TADA2A: variants seen among roughly 807,000 people sequenced by gnomAD.
TADA2A encodes the protein transcriptional adapter 2-alpha.
In TADA2A, 38 loss-of-function variants were observed where a neutral mutation model predicts 67.4. The observed-to-expected ratio is 0.56, with a 90% confidence interval of 0.44 to 0.74. TADA2A has a LOEUF of 0.74. TADA2A is among the 30% of genes least tolerant of loss of function. TADA2A has a pLI of 0.00. For missense variants in TADA2A, 454 were observed against 547.0 expected (o/e 0.83, Z 1.70); for synonymous variants, 192 against 181.6 (o/e 1.06, Z -0.46).
intron 12 of TADA2A, among the ~76,000 whole-genome samples, chr17:37,468,533 CT>C (rs1208253095): frequency 5.4e-4 from 78 of 144,594 alleles, no homozygotes; most frequent in Middle Eastern, 3.6e-3. Flanking sequence ...TTTTTCTTTC[CT>C]TTTTTTTTTT....
chr17:37,467,539 A>G lies in TADA2A; in HGVS notation c.895+14A>G, dbSNP rs1468058905. 2 of 1,604,392 alleles carry G rather than the reference A, an allele frequency of 1.2e-6. No individual in the cohort carries two copies. Among genetic ancestry groups the G allele is most frequent in the South Asian group, 2.2e-5 (2 of 90,480 alleles). On this transcript the variant is annotated intron_variant, in intron 12 of 15. Coordinates refer to ENST00000615182, the MANE Select transcript of TADA2A (RefSeq NM_001166105.3). Reference sequence around the variant, plus strand: ...CCAATTTTTGTAGTAAGTATGCTTCAGCTACATACCGTACTTGAGGGCAAG... The same window carrying G: ...CCAATTTTTGTAGTAAGTATGCTTCGGCTACATACCGTACTTGAGGGCAAG...
chr17:37,456,505 A>G (rs935303987), intron 8 of TADA2A, among the ~76,000 whole-genome samples: 2 of 152,120 alleles, frequency 1.3e-5, no homozygotes, highest in Non-Finnish European at 2.9e-5. Flanking sequence ...TGAATTTGAG[A>G]GATGTAAGCG....
intron 11 of TADA2A, among the ~76,000 whole-genome samples, chr17:37,467,018 G>T (rs1363457812): frequency 6.6e-6 from 1 of 152,124 alleles, no homozygotes; most frequent in Non-Finnish European, 1.5e-5. Flanking sequence ...TTAGCCGGGT[G>T]TGGTGGTAGA....
At chr17:37,462,152 A>G (rs762966755) in intron 10 of TADA2A, 31 bp downstream of exon 10, 2 of 1,409,110 alleles carry the variant, frequency 1.4e-6, no homozygotes, top group African/African-American at 1.4e-5. Context: ...TTATTTTACA[A>G]TTTTTTTCCA....
chr17:37,466,021 T>A (rs1277324844), intron 11 of TADA2A, among the ~76,000 whole-genome samples: 1 of 152,236 alleles, frequency 6.6e-6, no homozygotes, highest in Non-Finnish European at 1.5e-5. Context: ...AGGACAGAGA[T>A]GGATAGCTTG....
At position 37,479,459 on chromosome 17, in the gene TADA2A, A is replaced by G. The variant is rs746623466; in HGVS notation, c.*2477A>G. ...CTGGATTTTTGAAAGTAGGATTATT[A>G]TTTCTTTGGTATACCGAACTTTGCA... On this transcript the variant is annotated 3_prime_UTR_variant, in exon 16 of 16. Coordinates refer to ENST00000615182, the MANE Select transcript of TADA2A (RefSeq NM_001166105.3). 6.6e-6 allele frequency: 1 copy of G among 152,224 alleles called. No homozygotes were observed. Among genetic ancestry groups the G allele is most frequent in the South Asian group, 2.1e-4 (1 of 4,838 alleles). 9.4% of individuals were successfully genotyped at this position (152,224 alleles called of 1,614,324 possible). A position where few individuals can be genotyped will look rare whatever the true frequency, so the allele number is the denominator to read the frequency against.
chr17:37,411,178 T>C (rs767696912), intron 1 of TADA2A, 91 bp from the exon 2 acceptor site: 1 of 614,918 alleles, frequency 1.6e-6, no homozygotes, highest in Non-Finnish European at 2.9e-6. Flanking sequence ...AAAGCTAAGA[T>C]GTGGCAGAGC....
intron 8 of TADA2A, chr17:37,454,738 TG>T (rs1462273991): frequency 2.9e-6 from 1 of 347,140 alleles, no homozygotes; most frequent in African/African-American, 2.2e-5. Flanking sequence ...GTGCATCTCT[TG>T]CTAATATAGT....
At chr17:37,463,678 C>G (rs2053598694) in intron 10 of TADA2A, among the ~76,000 whole-genome samples, 2 of 151,602 alleles carry the variant, frequency 1.3e-5, no homozygotes, top group Admixed American at 1.3e-4. Flanking sequence ...GAGACAGGGC[C>G]TCACTCCAGT....
At chr17:37,428,518 A>G (rs1181328627) in intron 4 of TADA2A, among the ~76,000 whole-genome samples, 2 of 152,186 alleles carry the variant, frequency 1.3e-5, no homozygotes, top group African/African-American at 4.8e-5. Flanking sequence ...AAATCCAGGG[A>G]ATCTCTATGA....
At chr17:37,437,435 G>A (rs191675501) in intron 4 of TADA2A, among the ~76,000 whole-genome samples, 5 of 150,698 alleles carry the variant, frequency 3.3e-5, no homozygotes, top group African/African-American at 1.2e-4. Flanking sequence ...CGCCCAGGCT[G>A]AAGTGTGGTG....
chr17:37,465,322 G>T, intron 10 of TADA2A, 109 bp from the exon 11 acceptor site: 2 of 779,520 alleles, frequency 2.6e-6, no homozygotes, highest in Non-Finnish European at 2.1e-6. Context: ...GTCATATGAG[G>T]TTATGAATAA....
chr17:37,459,959 G>A (rs1240101056), intron 9 of TADA2A, among the ~76,000 whole-genome samples: 5 of 151,698 alleles, frequency 3.3e-5, no homozygotes, highest in East Asian at 4.0e-4. Context: ...CAAGCTACTC[G>A]GGAGGCTGAG....
rs1454533841 is a variant in TADA2A, at chr17:37,442,604, T to C, written c.483T>C (p.Leu161=). Residue 161 remains leucine (L), a synonymous_variant, in exon 7 of 16, where the codon CTT becomes CTC. Transcript: ENST00000615182. Reference sequence around the variant, plus strand: ...CCCGACCTACCTTTGACTCCTTGCTTTCTCGGGACATGGCCGGGTACATGC... The same window carrying C: ...CCCGACCTACCTTTGACTCCTTGCTCTCTCGGGACATGGCCGGGTACATGC... ...DPPRPTFDSL[L]SRDMAGYMPA... The C allele has an allele frequency of 6.2e-7, 1 of 1,614,010 alleles. No homozygotes were observed. The highest frequency in any genetic ancestry group is 8.5e-7 in the Non-Finnish European group (1 of 1,180,024).
At chr17:37,416,371 C>T (rs890802178) in intron 2 of TADA2A, among the ~76,000 whole-genome samples, 2 of 151,752 alleles carry the variant, frequency 1.3e-5, no homozygotes, top group Non-Finnish European at 2.9e-5. Flanking sequence ...CTGCCTGCCT[C>T]GGCCTCCCTC....
intron 8 of TADA2A, among the ~76,000 whole-genome samples, chr17:37,457,788 G>A (rs1287533809): frequency 2.6e-5 from 4 of 152,018 alleles, no homozygotes; most frequent in East Asian, 3.9e-4. Context: ...GAACCACCAC[G>A]CCCAGCCCAA....
At chr17:37,467,827 A>C (rs1174403546) in intron 12 of TADA2A, among the ~76,000 whole-genome samples, 1 of 152,150 alleles carries the variant, frequency 6.6e-6, no homozygotes, top group Non-Finnish European at 1.5e-5. Flanking sequence ...CACACCTGTA[A>C]TCCCAGCACT....
At chr17:37,444,558 G>T in intron 7 of TADA2A, 138 bp from the exon 8 acceptor site, 1 of 715,912 alleles carries the variant, frequency 1.4e-6, no homozygotes, top group Non-Finnish European at 2.4e-6. Context: ...CCAGTATTGT[G>T]GCCTTTTGCC....
intron 4 of TADA2A, among the ~76,000 whole-genome samples, chr17:37,434,181 T>C (rs2052654908): frequency 6.6e-6 from 1 of 151,608 alleles, no homozygotes; most frequent in Admixed American, 6.6e-5. Context: ...TTGTACAGTG[T>C]CTCTCAATTT....
Sources: gnomAD v4.1 joint callset for allele counts (sites outside exome capture counted in the v4.1 genomes callset) on GRCh38, gnomAD v4.1.1 for gene constraint, MANE v1.5 for transcripts, NCBI Gene and HGNC (gene_info 2026-07-23, HGNC 2026-07-21) for gene names.